The following GLT1D1 variants were observed in gnomAD, a reference collection of about 807,000 sequenced individuals.
GLT1D1 encodes glycosyltransferase 1 domain containing 1.
GLT1D1 carries 21 observed loss-of-function variants against 28.7 expected under a neutral mutation model. The observed-to-expected ratio is 0.73, with a 90% CI of 0.52 to 1.05. The LOEUF is 1.05. GLT1D1 is among the 50% of genes least tolerant of loss of function. The probability of loss-of-function intolerance (pLI) is 0.00; values close to 1 mark genes in which losing one functional copy is unlikely to be tolerated. For synonymous variants in GLT1D1, 147 were observed against 124.8 expected, an observed-to-expected ratio of 1.18 and a Z score of -1.19; for missense variants, 343 against 330.6, an observed-to-expected ratio of 1.04 and a Z score of -0.29.
chr12:128,867,902 G>A (rs778532062), intron 1 of GLT1D1, among the ~76,000 whole-genome samples: 1 of 152,208 alleles, frequency 6.6e-6, no homozygotes, highest in African/African-American at 2.4e-5. Flanking sequence ...ATAATGGAAG[G>A]ATTGAGGGGA....
intron 2 of GLT1D1, among the ~76,000 whole-genome samples, chr12:128,883,058 C>T (rs1957095449): frequency 6.6e-6 from 1 of 151,598 alleles, no homozygotes; most frequent in Admixed American, 6.6e-5. Context: ...TCTTGAGTAG[C>T]TGGGATTACG....
chr12:128,874,116 CTCTCTCTCTCTT>C (rs1566091301), intron 1 of GLT1D1, among the ~76,000 whole-genome samples: 154 of 59,512 alleles, frequency 2.6e-3, no homozygotes, highest in Admixed American at 3.8e-3. Flanking sequence ...CTCTCTCTCT[CTCTCTCTCTCTT>C]TCTTTCTTTC....
In GLT1D1 at chr12:128,853,608, G is replaced by A. The variant is rs1230585472; in HGVS notation, c.27G>A (p.Leu9=). ...TGCGGCTCCTGTTCCTGGCGGTGCT[G>A]CGGCCACACACCGGCAACGCGGTCA... The change falls in exon 1 of 8, where the codon CTG becomes CTA. Residue 9 remains leucine (L), a synonymous_variant. Coordinates refer to ENST00000281703, the MANE Select transcript of GLT1D1 (RefSeq NM_144669.3). The A allele has an allele frequency of 8.5e-7, 1 of 1,178,096 alleles. No individual in the cohort carries two copies. The highest frequency in any genetic ancestry group is 1.1e-6 in the Non-Finnish European group (1 of 941,426). The allele number at this position is 1,178,096 out of a possible 1,614,324, so 73.0% of individuals were successfully genotyped here.
chr12:128,914,881 T>G, intron 4 of GLT1D1, 52 bp from the exon 6 acceptor site: 1 of 1,231,110 alleles, frequency 8.1e-7, no homozygotes, highest in Non-Finnish European at 1.2e-6. Context: ...CTCATTGTAT[T>G]TCAGCAGTCG....
intron 7 of GLT1D1, among the ~76,000 whole-genome samples, chr12:128,977,772 CTTTTTTCTTT>C (rs1252040800): frequency 1.5e-4 from 4 of 26,134 alleles, no homozygotes; most frequent in Admixed American, 1.1e-3. Flanking sequence ...TTTCTTTTTT[CTTTTTTCTTT>C]TTTTTTTTTT....
intron 1 of GLT1D1, among the ~76,000 whole-genome samples, chr12:128,874,124 C>CTCTCTCTT (rs1956807030): frequency 2.5e-4 from 10 of 39,274 alleles, no homozygotes; most frequent in Admixed American, 3.8e-4. Context: ...CTCTCTCTCT[C>CTCTCTCTT]TCTTTCTTTC....
At chr12:128,934,109 C>G (rs1874243219) in intron 4 of GLT1D1, among the ~76,000 whole-genome samples, 1 of 151,856 alleles carries the variant, frequency 6.6e-6, no homozygotes, top group South Asian at 2.1e-4. Context: ...ATCAGCTAGA[C>G]ACTTTGGAGG....
intron 2 of GLT1D1, among the ~76,000 whole-genome samples, chr12:128,877,580 A>G (rs73438372): frequency 0.013 from 1,932 of 152,278 alleles, 43 homozygotes; most frequent in African/African-American, 0.043. Flanking sequence ...GCCCCGGTGT[A>G]AAATGTAACT....
At chr12:128,949,756 G>A (rs887934897) in intron 6 of GLT1D1, among the ~76,000 whole-genome samples, 1 of 151,436 alleles carries the variant, frequency 6.6e-6, no homozygotes, top group East Asian at 1.9e-4. Flanking sequence ...ACACACACAC[G>A]CACACACACA....
intron 4 of GLT1D1, among the ~76,000 whole-genome samples, chr12:128,900,948 T>G (rs1870187034): frequency 6.6e-6 from 1 of 152,080 alleles, no homozygotes; most frequent in Admixed American, 6.5e-5. Context: ...CCTGTTGGAC[T>G]ATCTATCTGC....
At position 128,944,431 on chromosome 12, in the gene GLT1D1, T is replaced by G. The variant is rs1176583664; in HGVS notation, c.376-895T>G. ...CTGGCTTTGTTTGGCTTCATAAGCCTTTAGTCTCTTGATAACCATCTCTGG... is the reference window on the plus strand; with the variant it reads ...CTGGCTTTGTTTGGCTTCATAAGCCGTTAGTCTCTTGATAACCATCTCTGG... On this transcript the variant is annotated intron_variant, in intron 4 of 7. Transcript: ENST00000281703. 3 of 1,342,626 alleles carry G rather than the reference T, an allele frequency of 2.2e-6. No homozygotes were observed. In the East Asian group the frequency reaches 7.1e-5, roughly 32 times the overall value. The allele number at this position is 1,342,626 out of a possible 1,614,324, so 83.2% of individuals were successfully genotyped here. A position where few individuals can be genotyped will look rare whatever the true frequency, so the allele number is the denominator to read the frequency against.
intron 6 of GLT1D1, among the ~76,000 whole-genome samples, chr12:128,951,260 A>G (rs928092270): frequency 6.6e-6 from 1 of 152,108 alleles, no homozygotes; most frequent in Non-Finnish European, 1.5e-5. Flanking sequence ...AAAATGAGCC[A>G]GGTGTGATGA....
intron 7 of GLT1D1, among the ~76,000 whole-genome samples, chr12:128,961,552 C>A (rs574980924): frequency 6.6e-6 from 1 of 152,274 alleles, no homozygotes; most frequent in South Asian, 2.1e-4. Flanking sequence ...AAGTGAAATA[C>A]GGTAGGCAAA....
intron 1 of GLT1D1, among the ~76,000 whole-genome samples, chr12:128,854,394 C>CGTGTGTGTGTGT (rs56655033): frequency 3.5e-4 from 51 of 143,950 alleles, no homozygotes; most frequent in East Asian, 1.1e-3. Context: ...TAACAGAAGC[C>CGTGTGTGTGTGT]GTGTGTGTGT....
chr12:128,904,992 C>A (rs1181459310), intron 4 of GLT1D1, among the ~76,000 whole-genome samples: 2 of 152,158 alleles, frequency 1.3e-5, no homozygotes, highest in Non-Finnish European at 2.9e-5. Context: ...TGGTCTCGAA[C>A]TCCTGACCTC....
intron 2 of GLT1D1, among the ~76,000 whole-genome samples, chr12:128,881,404 A>T (rs1347095101): frequency 6.8e-6 from 1 of 147,328 alleles, no homozygotes; most frequent in East Asian, 2.0e-4. Flanking sequence ...CATGGTGGCG[A>T]GTGCCTGTAA....
chr12:128,951,756 G>A (rs1488174729), intron 6 of GLT1D1, among the ~76,000 whole-genome samples: 1 of 152,238 alleles, frequency 6.6e-6, no homozygotes, highest in East Asian at 1.9e-4. Context: ...TCGTCCAGGA[G>A]TTCTTCTCTC....
chr12:128,888,745 G>T lies in GLT1D1; in HGVS notation c.323+1G>T. The T allele has an allele frequency of 6.3e-7, 1 of 1,577,734 alleles. No homozygotes were observed. The highest frequency in any genetic ancestry group is 8.7e-7 in the Non-Finnish European group (1 of 1,148,616). ...TGGGCAGAGTTCTTGAGGAAGCCAG[G>T]TAATACCTGCGAGAATTTCATCCAT... On this transcript the variant is annotated splice_donor_variant, in intron 3 of 7. Transcript: ENST00000281703. LOFTEE classifies it high-confidence loss of function.
chr12:128,933,655 TTC>T (rs577815402), intron 4 of GLT1D1, among the ~76,000 whole-genome samples: 65 of 152,190 alleles, frequency 4.3e-4, no homozygotes, highest in African/African-American at 1.4e-3. Flanking sequence ...TGGGGTGAAA[TTC>T]TCTCTCTGCA....
Sources: allele counts gnomAD v4.1 joint callset (sites outside exome capture counted in the v4.1 genomes callset), GRCh38; gene constraint gnomAD v4.1.1; transcripts MANE v1.5; gene names NCBI Gene and HGNC (gene_info 2026-07-23, HGNC 2026-07-21).